RERG: variants seen among roughly 807,000 people sequenced by gnomAD.
The protein encoded by RERG is RAS like estrogen regulated growth inhibitor.
In RERG, 25 loss-of-function variants were observed where a neutral mutation model predicts 23.2. That is an observed-to-expected ratio of 1.08 (90% CI 0.79 to 1.50). The LOEUF (loss-of-function observed/expected upper bound fraction) is 1.50, where lower values mean the gene tolerates loss of function less well. Among genes scored for constraint, RERG ranks in the 40% most tolerant of loss-of-function variants. RERG has a pLI of 0.00. For synonymous variants in RERG, 81 were observed against 89.1 expected (o/e 0.91, Z 0.51); for missense variants, 253 against 250.1 (o/e 1.01, Z -0.08).
chr12:15,110,298 A>G, intron 4 of RERG, among the ~76,000 whole-genome samples: 1 of 151,914 alleles, frequency 6.6e-6, no homozygotes, highest in East Asian at 1.9e-4. Flanking sequence ...AAGGTCAGAG[A>G]ATAAGTAGGT....
chr12:15,143,262 T>C (rs1864267677), intron 2 of RERG, among the ~76,000 whole-genome samples: 1 of 152,096 alleles, frequency 6.6e-6, no homozygotes, highest in East Asian at 1.9e-4. Flanking sequence ...CTGTGGATAA[T>C]ATAAATTAAA....
intron 2 of RERG, among the ~76,000 whole-genome samples, chr12:15,194,356 T>G (rs1865113536): frequency 6.6e-6 from 1 of 152,142 alleles, no homozygotes. Context: ...TGAAACACTC[T>G]TTTCCTATTC....
intron 2 of RERG, among the ~76,000 whole-genome samples, chr12:15,147,405 T>C (rs189633482): frequency 6.6e-6 from 1 of 152,132 alleles, no homozygotes; most frequent in Non-Finnish European, 1.5e-5. Flanking sequence ...GGGGGAAAAA[T>C]TTTTACTTAA....
intron 2 of RERG, among the ~76,000 whole-genome samples, chr12:15,123,761 T>A (rs1198928519): frequency 6.6e-6 from 1 of 152,012 alleles, no homozygotes; most frequent in South Asian, 2.1e-4. Context: ...ATCCCAACTA[T>A]CTTGAGCAAA....
At chr12:15,179,611 G>GTTAGGAAACA (rs1864897093) in intron 2 of RERG, among the ~76,000 whole-genome samples, 3 of 152,222 alleles carry the variant, frequency 2.0e-5, no homozygotes, top group Admixed American at 1.3e-4. Flanking sequence ...CCCAAAAATT[G>GTTAGGAAACA]TTAGGAAACA....
chr12:15,177,678 T>C (rs955152085), intron 2 of RERG, among the ~76,000 whole-genome samples: 5 of 152,192 alleles, frequency 3.3e-5, no homozygotes, highest in African/African-American at 1.2e-4. Flanking sequence ...AAGGAACACT[T>C]GTTATCAAAC....
At chr12:15,133,725 GTTT>G (rs549271423) in intron 2 of RERG, among the ~76,000 whole-genome samples, 3 of 135,016 alleles carry the variant, frequency 2.2e-5, no homozygotes, top group African/African-American at 5.5e-5. Flanking sequence ...TGACTGAGAG[GTTT>G]TTTTTTTTTT....
At chr12:15,201,597 T>C (rs1865216393) in intron 2 of RERG, among the ~76,000 whole-genome samples, 1 of 148,736 alleles carries the variant, frequency 6.7e-6, no homozygotes. Context: ...TTATTAGTAA[T>C]TAACAATAAT....
intron 2 of RERG, among the ~76,000 whole-genome samples, chr12:15,133,853 C>T (rs1361020761): frequency 2.0e-5 from 3 of 150,588 alleles, no homozygotes; most frequent in African/African-American, 7.3e-5. Context: ...CTAAATGATA[C>T]ATGATGTTGA....
intron 2 of RERG, chr12:15,138,011 T>G (rs1864173930): frequency 3.0e-6 from 1 of 334,552 alleles, no homozygotes; most frequent in East Asian, 7.7e-5. Flanking sequence ...CCTTCACTTT[T>G]GAAGAGTAAT....
In RERG at chr12:15,109,445, G is replaced by C. The variant is rs773343591; in HGVS notation, c.265C>G (p.Arg89Gly). ...GGCAGCACTTCCTCAAAACTTCCTCGGTCAGTAATGTCGTAGACCAGCACA... is the reference window on the plus strand; with the variant it reads ...GGCAGCACTTCCTCAAAACTTCCTCCGTCAGTAATGTCGTAGACCAGCACA... ...GFVLVYDITD[R>G]GSFEEVLPLK... The change falls in exon 5 of 5, where the codon CGA (arginine) becomes GGA (glycine). Residue 89 changes from arginine (R) to glycine (G), a missense_variant. By Grantham distance (125) the Arg-to-Gly change is moderately radical (BLOSUM62 -2). Coordinates refer to ENST00000256953, the MANE Select transcript of RERG (RefSeq NM_032918.3). The C allele has an allele frequency of 6.2e-7, 1 of 1,613,804 alleles. No individual in the cohort carries two copies. The highest frequency in any genetic ancestry group is 1.7e-5 in the Admixed American group (1 of 59,978).
chr12:15,121,373 A>G (rs1456398117), intron 2 of RERG, among the ~76,000 whole-genome samples: 1 of 152,216 alleles, frequency 6.6e-6, no homozygotes, highest in Non-Finnish European at 1.5e-5. Flanking sequence ...TTTAGTCACA[A>G]GGTTAAAAAC....
chr12:15,142,027 G>T (rs1364231275), intron 2 of RERG, among the ~76,000 whole-genome samples: 1 of 152,018 alleles, frequency 6.6e-6, no homozygotes, highest in African/African-American at 2.4e-5. Context: ...AGTTTTATTT[G>T]GTTTGTTTCT....
At chr12:15,149,711 T>C (rs901266936) in intron 2 of RERG, among the ~76,000 whole-genome samples, 1 of 152,222 alleles carries the variant, frequency 6.6e-6, no homozygotes, top group Non-Finnish European at 1.5e-5. Flanking sequence ...TAGGTTAATA[T>C]TTAGCCTATT....
intron 2 of RERG, among the ~76,000 whole-genome samples, chr12:15,160,869 G>T (rs1436693667): frequency 6.6e-6 from 1 of 150,904 alleles, no homozygotes; most frequent in Non-Finnish European, 1.5e-5. Context: ...GGGCGCAATG[G>T]CTCCCACCTG....
At chr12:15,126,673 T>A (rs184225547) in intron 2 of RERG, among the ~76,000 whole-genome samples, 8 of 151,952 alleles carry the variant, frequency 5.3e-5, no homozygotes, top group African/African-American at 1.9e-4. Context: ...GAAACACATA[T>A]TTAAAATGTA....
chr12:15,190,623 A>C (rs887672030), intron 2 of RERG, among the ~76,000 whole-genome samples: 4 of 152,208 alleles, frequency 2.6e-5, no homozygotes, highest in Admixed American at 1.3e-4. Flanking sequence ...TAAGTAGCTG[A>C]AAACATAAAT....
intron 2 of RERG, among the ~76,000 whole-genome samples, chr12:15,139,014 C>CTTTTTTTTTTTTT (rs34755371): frequency 4.3e-4 from 22 of 51,114 alleles, no homozygotes; most frequent in African/African-American, 1.2e-3. Flanking sequence ...TGTGTCTAGA[C>CTTTTTTTTTTTTT]TTTTTTTTTT....
intron 2 of RERG, among the ~76,000 whole-genome samples, chr12:15,175,509 T>C (rs1353454910): frequency 6.6e-6 from 1 of 151,894 alleles, no homozygotes; most frequent in Non-Finnish European, 1.5e-5. Flanking sequence ...CTCAGGTCTT[T>C]ACTGGGCATA....
Sources: gnomAD v4.1 joint callset for allele counts (sites outside exome capture counted in the v4.1 genomes callset) on GRCh38, gnomAD v4.1.1 for gene constraint, MANE v1.5 for transcripts, NCBI Gene and HGNC (gene_info 2026-07-23, HGNC 2026-07-21) for gene names.